Variants in LHFPL2 observed in about 807,000 individuals in gnomAD.
LHFPL2 encodes the protein LHFPL tetraspan subfamily member 2 protein.
In LHFPL2, 7 loss-of-function variants were observed where a neutral mutation model predicts 17.5. That is an observed-to-expected ratio of 0.40 (90% CI 0.23 to 0.75). LHFPL2 has a LOEUF of 0.75. Among genes scored for constraint, LHFPL2 ranks in the 30% least tolerant of loss-of-function variants. The pLI is 0.37. For missense variants in LHFPL2, 241 were observed against 294.8 expected (o/e 0.82, Z 1.34); for synonymous variants, 134 against 116.2 (o/e 1.15, Z -0.99).
At chr5:78,584,160 TG>T (rs1743273076) in intron 2 of LHFPL2, among the ~76,000 whole-genome samples, 1 of 150,040 alleles carries the variant, frequency 6.7e-6, no homozygotes, top group African/African-American at 2.4e-5. Flanking sequence ...TTCTCTGTAT[TG>T]GTTATTCTAG....
At chr5:78,573,721 C>T (rs1757061225) in intron 2 of LHFPL2, among the ~76,000 whole-genome samples, 1 of 152,204 alleles carries the variant, frequency 6.6e-6, no homozygotes, top group Non-Finnish European at 1.5e-5. Context: ...TTGAAACAAA[C>T]ACTTTGGAAG....
chr5:78,632,485 A>AAGT (rs945006234), intron 1 of LHFPL2, 117 bp from the exon 2 acceptor site: 1 of 152,216 alleles, frequency 6.6e-6, no homozygotes, highest in Non-Finnish European at 1.5e-5. Context: ...AGCAGAAAAC[A>AAGT]AGTCTAGTGT....
chr5:78,642,113 T>C (rs1745688541), intron 1 of LHFPL2: 1 of 152,168 alleles, frequency 6.6e-6, no homozygotes, highest in Non-Finnish European at 1.5e-5. Flanking sequence ...TTTTGCTGCA[T>C]CCTCACACAC....
At chr5:78,606,655 T>C (rs1225457078) in intron 2 of LHFPL2, among the ~76,000 whole-genome samples, 1 of 152,194 alleles carries the variant, frequency 6.6e-6, no homozygotes, top group Non-Finnish European at 1.5e-5. Flanking sequence ...CCCTGGCATT[T>C]GGCTGGACAG....
Position 78,510,243 on chromosome 5 carries a change from G to C in LHFPL2, c.-30C>G. 6.5e-7 allele frequency: 1 copy of C among 1,539,282 alleles called. No individual in the cohort carries two copies. The highest frequency in any genetic ancestry group is 8.8e-7 in the Non-Finnish European group (1 of 1,141,718). On this transcript the variant is annotated 5_prime_UTR_variant, in exon 4 of 5. Coordinates refer to ENST00000380345, the MANE Select transcript of LHFPL2 (RefSeq NM_005779.3). ...ATGTTCCGGGCGAAGAAAGAGTCAG[G>C]AGTCCACGGAGTTAATCAAAACAAG...
intron 4 of LHFPL2, among the ~76,000 whole-genome samples, chr5:78,508,213 AAGG>A (rs1186828588): frequency 8.5e-5 from 13 of 152,138 alleles, no homozygotes; most frequent in Non-Finnish European, 1.5e-4. Context: ...TATTTTTCAG[AAGG>A]AGAACACTGA....
At chr5:78,571,721 G>A (rs1402836132) in intron 2 of LHFPL2, among the ~76,000 whole-genome samples, 1 of 152,156 alleles carries the variant, frequency 6.6e-6, no homozygotes, top group African/African-American at 2.4e-5. Context: ...TGCTAAAAGT[G>A]CAACACACCC....
chr5:78,611,038 A>G (rs938712941), intron 2 of LHFPL2, among the ~76,000 whole-genome samples: 4 of 152,230 alleles, frequency 2.6e-5, no homozygotes, highest in African/African-American at 9.6e-5. Context: ...AGAAGGGAAA[A>G]AAAAAGTTCA....
Position 78,584,999 on chromosome 5 carries a change from T to TAAGCCCGTTGGAAAAGCGCAGTATTCAGG in LHFPL2, c.-244-20129_-244-20128insCCTGAATACTGCGCTTTTCCAACGGGCTT, listed in dbSNP as rs1356291053. Among the ~76,000 whole-genome samples the TAAGCCCGTTGGAAAAGCGCAGTATTCAGG allele has an allele frequency of 3.5e-3, 271 of 76,626 alleles. 27 individuals are homozygous for TAAGCCCGTTGGAAAAGCGCAGTATTCAGG. The highest frequency in any genetic ancestry group is 0.013 in the Middle Eastern group (2 of 160). 50.3% of individuals were successfully genotyped at this position (76,626 alleles called of 152,430 possible). A position where few individuals can be genotyped will look rare whatever the true frequency, so the allele number is the denominator to read the frequency against. On this transcript the variant is annotated intron_variant, in intron 2 of 4. Transcript: ENST00000380345. ...TATAATCTCCTGGTGCGCTGTGTTT[T>TAAGCCCGTTGGAAAAGCGCAGTATTCAGG]TTTTTTTTTTTTTTTTTTTTTTTTT...
Position 78,495,423 on chromosome 5 carries a change from G to A in LHFPL2, c.431-6270C>T, listed in dbSNP as rs138629025. Among the ~76,000 whole-genome samples, 812 of 152,232 alleles carry A rather than the reference G, an allele frequency of 5.3e-3. 4 individuals are homozygous for A. The highest frequency in any genetic ancestry group is 0.018 in the African/African-American group (766 of 41,538). ...AGGCCTTTGTTCCTGCCTGAAAAGGGAGCACTACAGGCTGGCTCTTGTTCC... is the reference window on the plus strand; with the variant it reads ...AGGCCTTTGTTCCTGCCTGAAAAGGAAGCACTACAGGCTGGCTCTTGTTCC... On this transcript the variant is annotated intron_variant, in intron 4 of 4. Transcript: ENST00000380345.
chr5:78,567,741 T>A (rs1756895612), intron 2 of LHFPL2, among the ~76,000 whole-genome samples: 1 of 152,150 alleles, frequency 6.6e-6, no homozygotes, highest in Non-Finnish European at 1.5e-5. Flanking sequence ...GGTGTTAATA[T>A]TCAAATCCGT....
chr5:78,489,969 C>A (rs1395558040), intron 4 of LHFPL2, among the ~76,000 whole-genome samples: 2 of 152,224 alleles, frequency 1.3e-5, no homozygotes, highest in East Asian at 3.8e-4. Context: ...TGATTAAATG[C>A]AAGAGCAAGG....
intron 2 of LHFPL2, among the ~76,000 whole-genome samples, chr5:78,601,057 G>A (rs780529720): frequency 6.6e-6 from 1 of 152,182 alleles, no homozygotes; most frequent in African/African-American, 2.4e-5. Flanking sequence ...CCACATCAGA[G>A]TGACCCTGCA....
intron 2 of LHFPL2, among the ~76,000 whole-genome samples, chr5:78,618,325 C>G (rs1048366462): frequency 2.6e-5 from 4 of 152,116 alleles, no homozygotes; most frequent in Non-Finnish European, 2.9e-5. Context: ...TCATCTGAAA[C>G]AAGTTTTAAT....
At chr5:78,573,520 C>T (rs928988106) in intron 2 of LHFPL2, among the ~76,000 whole-genome samples, 5 of 152,156 alleles carry the variant, frequency 3.3e-5, no homozygotes, top group South Asian at 2.1e-4. Context: ...CACACTCAAC[C>T]GCTGAAACAG....
rs566193383 is a variant in LHFPL2 at position 78,566,188 on chromosome 5, G to A, written c.-244-1317C>T. 1.1e-4 allele frequency among the ~76,000 whole-genome samples: 16 copies of A among 152,248 alleles called. No homozygotes were observed. The South Asian group carries it at 1.4e-3, about 14-fold the overall frequency. On this transcript the variant is annotated intron_variant, in intron 2 of 4. Coordinates refer to ENST00000380345, the MANE Select transcript of LHFPL2 (RefSeq NM_005779.3). The stretch of plus-strand genomic sequence containing the variant: ...TTCTATAATCAAATTTTCAAATACA[G>A]CCATGGGCTAACAATCAAAATCTGT...
intron 3 of LHFPL2, among the ~76,000 whole-genome samples, chr5:78,538,973 C>T (rs191622935): frequency 3.7e-4 from 57 of 152,268 alleles, no homozygotes; most frequent in African/African-American, 1.2e-3. Context: ...TCTCCAATGG[C>T]GACATAATGA....
chr5:78,590,659 T>C (rs1261970613), intron 2 of LHFPL2, among the ~76,000 whole-genome samples: 1 of 152,206 alleles, frequency 6.6e-6, no homozygotes, highest in African/African-American at 2.4e-5. Context: ...TAAAAGTCAA[T>C]GTACTCATGC....
At chr5:78,506,512 G>A (rs1754935603) in intron 4 of LHFPL2, among the ~76,000 whole-genome samples, 1 of 152,198 alleles carries the variant, frequency 6.6e-6, no homozygotes, top group Non-Finnish European at 1.5e-5. Context: ...TCCTTGCTGA[G>A]GCTGGGGCTG....
Sources: allele counts gnomAD v4.1 joint callset (sites outside exome capture counted in the v4.1 genomes callset), GRCh38; gene constraint gnomAD v4.1.1; transcripts MANE v1.5; gene names NCBI Gene and HGNC (gene_info 2026-07-23, HGNC 2026-07-21).